The following DHRS4 variants were observed in gnomAD, a reference collection of about 807,000 sequenced individuals.
The protein encoded by DHRS4 is dehydrogenase/reductase 4.
DHRS4 carries 20 observed loss-of-function variants against 28.4 expected under a neutral mutation model. That is an observed-to-expected ratio of 0.71 (90% confidence interval 0.50 to 1.02). The LOEUF (loss-of-function observed/expected upper bound fraction) is 1.02, where lower values mean the gene tolerates loss of function less well. DHRS4 is among the 50% of genes least tolerant of loss of function. The pLI is 0.00. For synonymous variants in DHRS4, 144 were observed against 146.4 expected (o/e 0.98, Z 0.12); for missense variants, 378 against 367.2 (o/e 1.03, Z -0.24).
At position 23,968,850 on chromosome 14, in the gene DHRS4, A is replaced by G. The variant is rs912933408; in HGVS notation, c.816A>G (p.Gly272=). 2 of 1,609,412 alleles carry G rather than the reference A, an allele frequency of 1.2e-6. No homozygotes were observed. Among genetic ancestry groups the G allele is most frequent in the Non-Finnish European group, 8.5e-7 (1 of 1,178,042 alleles). The change falls in exon 8 of 8, where the codon GGA becomes GGG. Residue 272 remains glycine (G), a synonymous_variant. Coordinates refer to ENST00000313250, the MANE Select transcript of DHRS4 (RefSeq NM_021004.4). Reference sequence around the variant, plus strand: ...CTGGGGAAACAGTGGTGGTGGGTGGAGGAACCCCGTCCCGCCTCTGAGGAC... The same window carrying G: ...CTGGGGAAACAGTGGTGGTGGGTGGGGGAACCCCGTCCCGCCTCTGAGGAC... The part of the protein sequence containing the change: ...YITGETVVVG[G]GTPSRL
chr14:23,958,159 T>C (rs1474502127), intron 2 of DHRS4, among the ~76,000 whole-genome samples: 2 of 151,972 alleles, frequency 1.3e-5, no homozygotes, highest in African/African-American at 4.8e-5. Context: ...TGCAAGAAAG[T>C]ATTAATACTG....
In DHRS4 at chr14:23,968,651, G is replaced by C. The variant is rs564514849; in HGVS notation, c.723-106G>C. 7.8e-6 allele frequency: 12 copies of C among 1,541,990 alleles called. No individual in the cohort carries two copies. In the East Asian group the frequency reaches 2.2e-4, roughly 28 times the overall value. Reference sequence around the variant, plus strand: ...AAGCTTGTACACTGACCCTGAAAAAGCCATCTGATAATTCTTGATTAAGCA... The same window carrying C: ...AAGCTTGTACACTGACCCTGAAAAACCCATCTGATAATTCTTGATTAAGCA... On this transcript the variant is annotated intron_variant, in intron 7 of 7. Coordinates refer to ENST00000313250, the MANE Select transcript of DHRS4 (RefSeq NM_021004.4).
intron 6 of DHRS4, 41 bp from the exon 7 acceptor site, chr14:23,967,170 A>C (rs764245648): frequency 1.3e-6 from 2 of 1,572,762 alleles, no homozygotes; most frequent in South Asian, 1.2e-5. Context: ...GAAAAAGAAA[A>C]AGAAAAAAAA....
intron 2 of DHRS4, among the ~76,000 whole-genome samples, chr14:23,956,883 G>T (rs1298103279): frequency 6.6e-6 from 1 of 152,104 alleles, no homozygotes; most frequent in Non-Finnish European, 1.5e-5. Context: ...GATTACAGGC[G>T]TGAGCCACTG....
intron 2 of DHRS4, among the ~76,000 whole-genome samples, chr14:23,958,325 C>G (rs1233245676): frequency 2.0e-5 from 3 of 152,158 alleles, no homozygotes; most frequent in African/African-American, 7.2e-5. Flanking sequence ...TTGTTAGTAA[C>G]ACCCCTCTGT....
intron 3 of DHRS4, among the ~76,000 whole-genome samples, chr14:23,964,386 A>C (rs1305100258): frequency 2.7e-5 from 4 of 148,456 alleles, no homozygotes; most frequent in East Asian, 2.0e-4. Context: ...GACTTTAAAA[A>C]ACACACACAC....
chr14:23,966,146 T>A, intron 5 of DHRS4, 137 bp from the exon 6 acceptor site: 1 of 1,583,732 alleles, frequency 6.3e-7, no homozygotes, highest in Non-Finnish European at 8.6e-7. Flanking sequence ...CTAGGGGAGG[T>A]TTAGCCACAA....
At position 23,955,220 on chromosome 14, in the gene DHRS4, G is replaced by T. The variant is rs768131548; in HGVS notation, c.306+8G>T. 3.1e-6 allele frequency: 5 copies of T among 1,611,104 alleles called. No individual in the cohort carries two copies. Among genetic ancestry groups the T allele is most frequent in the Non-Finnish European group, 4.2e-6 (5 of 1,178,612 alleles). ...GAGCGGCTGGTGGCCACGGTGAGCT[G>T]CAGGGAAATGGGCACAGAGCCAGGA... On this transcript the variant is annotated splice_region_variant and intron_variant, in intron 2 of 7. Transcript: ENST00000313250.
In DHRS4 at chr14:23,959,944, G is replaced by A. The variant is rs1269844572; in HGVS notation, c.349G>A (p.Ala117Thr). Residue 117 changes from alanine to threonine, a missense_variant, in exon 3 of 8, where the codon GCT becomes ACT. Coordinates refer to ENST00000313250, the MANE Select transcript of DHRS4 (RefSeq NM_021004.4). ...HGGIDILVSN[A>T]AVNPFFGSIM... ...AGGTATCGATATCCTAGTCTCCAAT[G>A]CTGCTGTCAACCCTTTCTTTGGAAG... 1.2e-6 allele frequency: 2 copies of A among 1,612,084 alleles called. No individual in the cohort carries two copies. The highest frequency in any genetic ancestry group is 1.7e-6 in the Non-Finnish European group (2 of 1,179,946).
intron 2 of DHRS4, among the ~76,000 whole-genome samples, chr14:23,956,503 A>G (rs1475256954): frequency 3.3e-5 from 5 of 151,966 alleles, no homozygotes; most frequent in African/African-American, 9.7e-5. Context: ...AAGGAAACAG[A>G]GGAGCACTGT....
At chr14:23,954,055 G>C in intron 1 of DHRS4, 139 bp downstream of exon 1, 1 of 1,389,724 alleles carries the variant, frequency 7.2e-7, no homozygotes, top group Non-Finnish European at 9.6e-7. Flanking sequence ...GTAGCCACGT[G>C]GTCCGCCTGA....
At chr14:23,954,198 A>C in intron 1 of DHRS4, 1 of 348,490 alleles carries the variant, frequency 2.9e-6, no homozygotes, top group African/African-American at 2.1e-5. Flanking sequence ...TGCCCCAGTC[A>C]ACCAGCGCCA....
At chr14:23,963,186 T>G (rs1438535485) in intron 3 of DHRS4, among the ~76,000 whole-genome samples, 4 of 108,494 alleles carry the variant, frequency 3.7e-5, no homozygotes, top group African/African-American at 1.7e-4. Flanking sequence ...TAAATGAGCA[T>G]TGGCTTCAAC....
chr14:23,966,297 C>T lies in DHRS4; in HGVS notation c.546C>T (p.Tyr182=). 1 of 1,613,816 alleles carries T rather than the reference C, an allele frequency of 6.2e-7. No homozygotes were observed. The highest frequency in any genetic ancestry group is 8.5e-7 in the Non-Finnish European group (1 of 1,179,910). ...TCTTTCTCCAGGGCTTCAGTCCTTA[C>T]AATGTCAGTAAAACAGCCTTGCTGG... The part of the protein sequence containing the change: ...AFSPSPGFSP[Y]NVSKTALLGL... The change falls in exon 6 of 8, where the codon TAC becomes TAT. Residue 182 remains tyrosine (Y), a synonymous_variant. Coordinates refer to ENST00000313250, the MANE Select transcript of DHRS4 (RefSeq NM_021004.4).
At position 23,959,929 on chromosome 14, in the gene DHRS4, A is replaced by T; in HGVS notation, c.334A>T (p.Ile112Phe). The change falls in exon 3 of 8, where the codon ATC (isoleucine) becomes TTC (phenylalanine). Residue 112 changes from isoleucine (I) to phenylalanine (F), a missense_variant. Ile to Phe is a conservative substitution (Grantham distance 21). Transcript: ENST00000313250. ...TAVKLHGGID[I>F]LVSNAAVNPF... Reference sequence around the variant, plus strand: ...TGTGAAGCTTCATGGAGGTATCGATATCCTAGTCTCCAATGCTGCTGTCAA... The same window carrying T: ...TGTGAAGCTTCATGGAGGTATCGATTTCCTAGTCTCCAATGCTGCTGTCAA... 1.2e-6 allele frequency: 2 copies of T among 1,611,460 alleles called. No individual in the cohort carries two copies. The highest frequency in any genetic ancestry group is 1.7e-6 in the Non-Finnish European group (2 of 1,179,890).
At chr14:23,959,750 C>G (rs1448743179) in intron 2 of DHRS4, 152 bp from the exon 3 acceptor site, 1 of 834,852 alleles carries the variant, frequency 1.2e-6, no homozygotes, top group Non-Finnish European at 2.0e-6. Flanking sequence ...AACTCCTCAG[C>G]TCAAGTGAGC....
intron 2 of DHRS4, among the ~76,000 whole-genome samples, chr14:23,956,216 G>A (rs1341102227): frequency 9.8e-5 from 15 of 152,338 alleles, no homozygotes; most frequent in Non-Finnish European, 1.8e-4. Flanking sequence ...CTGATGGACA[G>A]ACCCCAAGAT....
chr14:23,967,541 C>T lies in DHRS4; in HGVS notation c.722+275C>T, dbSNP rs1272622029. 3 of 684,850 alleles carry T rather than the reference C, an allele frequency of 4.4e-6. No homozygotes were observed. In the East Asian group the frequency reaches 8.6e-5, roughly 20 times the overall value. The allele number at this position is 684,850 out of a possible 1,614,324, so 42.4% of individuals were successfully genotyped here. A position where few individuals can be genotyped will look rare whatever the true frequency, so the allele number is the denominator to read the frequency against. On this transcript the variant is annotated intron_variant, in intron 7 of 7. Coordinates refer to ENST00000313250, the MANE Select transcript of DHRS4 (RefSeq NM_021004.4). ...CTCTCCACCTGGGGGATTGCCTCCA[C>T]CTCTGAGCATCCATGGAGACCAGGG...
At chr14:23,966,747 G>A (rs868198637) in intron 6 of DHRS4, among the ~76,000 whole-genome samples, 693 of 152,106 alleles carry the variant, frequency 4.6e-3, no homozygotes, top group African/African-American at 0.016. Context: ...GGAGAGCTGG[G>A]AGCTAGAAAA....
Sources: gnomAD v4.1 joint callset for allele counts (sites outside exome capture counted in the v4.1 genomes callset) on GRCh38, gnomAD v4.1.1 for gene constraint, MANE v1.5 for transcripts, NCBI Gene and HGNC (gene_info 2026-07-23, HGNC 2026-07-21) for gene names.